The following DCLK1 variants were observed in gnomAD, a reference collection of about 807,000 sequenced individuals.
DCLK1 encodes the protein serine/threonine-protein kinase DCLK1.
In DCLK1, 16 loss-of-function variants were observed where a neutral mutation model predicts 86.2. That is an observed-to-expected ratio of 0.19 (90% CI 0.13 to 0.28). The LOEUF is 0.28. Ranked by LOEUF, DCLK1 falls within the 10% of genes least tolerant of loss-of-function variation. The probability of loss-of-function intolerance (pLI) is 1.00; values close to 1 mark genes in which losing one functional copy is unlikely to be tolerated. For missense variants in DCLK1, 590 were observed against 940.2 expected, an observed-to-expected ratio of 0.63 and a Z score of 4.87; for synonymous variants, 369 against 370.5, an observed-to-expected ratio of 1.00 and a Z score of 0.05.
intron 6 of DCLK1, chr13:35,849,866 G>T: frequency 1.3e-6 from 1 of 754,162 alleles, no homozygotes; most frequent in Non-Finnish European, 1.6e-6. Flanking sequence ...GGTCTGTATG[G>T]AAAAAAAAAA....
intron 16 of DCLK1, chr13:35,788,153 T>C: frequency 1.3e-6 from 2 of 1,517,298 alleles, no homozygotes; most frequent in Non-Finnish European, 9.2e-7. Flanking sequence ...AACTGGTTAA[T>C]GGAGACTGCC....
At chr13:36,071,265 T>C (rs1012367244) in intron 3 of DCLK1, among the ~76,000 whole-genome samples, 1 of 152,144 alleles carries the variant, frequency 6.6e-6, no homozygotes. Flanking sequence ...CTTTTCTTAG[T>C]ATATACATGT....
intron 3 of DCLK1, among the ~76,000 whole-genome samples, chr13:36,056,945 A>T (rs1883354803): frequency 6.7e-6 from 1 of 149,700 alleles, no homozygotes; most frequent in African/African-American, 2.4e-5. Context: ...ACACATATAT[A>T]TTCTCCTTTT....
chr13:35,926,215 T>G (rs1361661490), intron 4 of DCLK1, among the ~76,000 whole-genome samples: 1 of 152,174 alleles, frequency 6.6e-6, no homozygotes, highest in Non-Finnish European at 1.5e-5. Context: ...TGTGCCACCA[T>G]GCCCGGCTAA....
intron 3 of DCLK1, among the ~76,000 whole-genome samples, chr13:36,025,626 G>T (rs1882003755): frequency 6.6e-6 from 1 of 152,108 alleles, no homozygotes; most frequent in Non-Finnish European, 1.5e-5. Context: ...GCAAAAGAAT[G>T]CAAAACGAAC....
chr13:36,015,457 C>T (rs1289423220), intron 3 of DCLK1, among the ~76,000 whole-genome samples: 1 of 152,098 alleles, frequency 6.6e-6, no homozygotes, highest in Non-Finnish European at 1.5e-5. Context: ...TGGCATAGAG[C>T]TTTGGAAACA....
chr13:36,078,499 A>G (rs949537788), intron 3 of DCLK1, among the ~76,000 whole-genome samples: 3 of 152,194 alleles, frequency 2.0e-5, no homozygotes, highest in Non-Finnish European at 4.4e-5. Flanking sequence ...ATCTCCCACA[A>G]TTCTTTCATT....
chr13:35,786,506 G>A (rs2086624161), intron 16 of DCLK1, among the ~76,000 whole-genome samples: 1 of 152,300 alleles, frequency 6.6e-6, no homozygotes, highest in South Asian at 2.1e-4. Flanking sequence ...TACCCTCGAG[G>A]TGAAGTGACC....
At chr13:35,884,109 C>T (rs919676442) in intron 4 of DCLK1, among the ~76,000 whole-genome samples, 6 of 152,216 alleles carry the variant, frequency 3.9e-5, no homozygotes, top group Admixed American at 1.3e-4. Context: ...ACAGACCAGA[C>T]AGCTCTTGCC....
intron 6 of DCLK1, chr13:35,846,235 C>A (rs1035368445): frequency 1.9e-5 from 19 of 984,136 alleles, no homozygotes; most frequent in Non-Finnish European, 1.6e-5. Context: ...TTTATAAAAA[C>A]GTTATCCAAA....
intron 3 of DCLK1, among the ~76,000 whole-genome samples, chr13:35,993,729 A>T (rs952981418): frequency 2.6e-5 from 4 of 152,040 alleles, no homozygotes; most frequent in Non-Finnish European, 5.9e-5. Flanking sequence ...CATTTTTTTG[A>T]TGATGGTAAT....
At chr13:35,914,368 T>TATATGC (rs1566600337) in intron 4 of DCLK1, among the ~76,000 whole-genome samples, 2 of 16,698 alleles carry the variant, frequency 1.2e-4, no homozygotes, top group African/African-American at 4.3e-4. Context: ...TATATATATA[T>TATATGC]GTATATATAT....
intron 4 of DCLK1, among the ~76,000 whole-genome samples, chr13:35,934,100 T>G (rs1876621018): frequency 6.6e-6 from 1 of 152,188 alleles, no homozygotes; most frequent in Non-Finnish European, 1.5e-5. Flanking sequence ...TGTCAGTCTC[T>G]GCTAAAACAT....
intron 4 of DCLK1, among the ~76,000 whole-genome samples, chr13:35,894,714 G>A (rs533647044): frequency 8.5e-5 from 13 of 152,286 alleles, no homozygotes; most frequent in Non-Finnish European, 1.5e-4. Flanking sequence ...CTTCCTTGTT[G>A]AGAGTCTTCT....
chr13:36,068,120 T>C (rs1883833664), intron 3 of DCLK1, among the ~76,000 whole-genome samples: 1 of 152,220 alleles, frequency 6.6e-6, no homozygotes, highest in African/African-American at 2.4e-5. Context: ...TTCCAGCATT[T>C]TATATTGTGA....
At chr13:35,910,092 G>T (rs148949199) in intron 4 of DCLK1, among the ~76,000 whole-genome samples, 1,587 of 152,178 alleles carry the variant, frequency 0.01, 14 homozygotes, top group South Asian at 0.023. Flanking sequence ...ATCCAGACAC[G>T]TGTTCTCCAG....
At chr13:35,831,298 G>T (rs1868940809) in intron 8 of DCLK1, among the ~76,000 whole-genome samples, 1 of 152,206 alleles carries the variant, frequency 6.6e-6, no homozygotes, top group East Asian at 1.9e-4. Context: ...CATAATAAAA[G>T]CCACATAATA....
intron 3 of DCLK1, among the ~76,000 whole-genome samples, chr13:36,065,403 A>G (rs978824611): frequency 6.6e-6 from 1 of 152,230 alleles, no homozygotes; most frequent in Non-Finnish European, 1.5e-5. Context: ...GAAAACTGGA[A>G]AGGAAGAATA....
intron 4 of DCLK1, among the ~76,000 whole-genome samples, chr13:35,923,997 A>G (rs976460218): frequency 3.3e-5 from 5 of 152,136 alleles, no homozygotes; most frequent in Non-Finnish European, 5.9e-5. Flanking sequence ...TGGGTATTTC[A>G]GCTGTGTTTC....
Sources: allele counts gnomAD v4.1 joint callset (sites outside exome capture counted in the v4.1 genomes callset), GRCh38; gene constraint gnomAD v4.1.1; transcripts MANE v1.5; gene names NCBI Gene and HGNC (gene_info 2026-07-23, HGNC 2026-07-21).